Variants in EP300 observed in about 807,000 individuals in gnomAD.
The protein encoded by EP300 is EP300 lysine acetyltransferase.
In EP300, 31 loss-of-function variants were observed where a neutral mutation model predicts 264.0. The ratio of observed to expected loss-of-function variants is 0.12; its 90% confidence interval spans 0.09 to 0.16. The LOEUF is 0.16. EP300 is among the 10% of genes least tolerant of loss of function. The pLI is 1.00. For synonymous variants in EP300, 1,340 were observed against 1,045.4 expected (o/e 1.28, Z -5.44); for missense variants, 2,766 against 3,052.9 (o/e 0.91, Z 2.21).
intron 1 of EP300, among the ~76,000 whole-genome samples, chr22:41,110,959 CTT>C (rs57411594): frequency 1.0e-3 from 143 of 139,204 alleles, no homozygotes; most frequent in East Asian, 2.9e-3. Flanking sequence ...TGTTATAAAT[CTT>C]TTTTTTTTTT....
At chr22:41,137,815 C>T (rs767679379) in intron 8 of EP300, 25 bp downstream of exon 8, 2 of 1,614,058 alleles carry the variant, frequency 1.2e-6, no homozygotes, top group Non-Finnish European at 1.7e-6. Context: ...GGACACGTCT[C>T]ATTCGTAAAG....
At position 41,092,747 on chromosome 22, in the gene EP300, GAATTT is replaced by G; in HGVS notation, c.-257_-253del. 3 of 609,360 alleles carry G rather than the reference GAATTT, an allele frequency of 4.9e-6. No individual in the cohort carries two copies. The highest frequency in any genetic ancestry group is 1.9e-5 in the African/African-American group (1 of 53,684). 37.7% of individuals were successfully genotyped at this position (609,360 alleles called of 1,614,324 possible). A position where few individuals can be genotyped will look rare whatever the true frequency, so the allele number is the denominator to read the frequency against. ...ATTCGCCGCAGCGGACGCGCTCGGCGAATTTGTGCTCTTGTGCCCTCCTCCGGGCT... is the reference window on the plus strand; with the variant it reads ...ATTCGCCGCAGCGGACGCGCTCGGCGGTGCTCTTGTGCCCTCCTCCGGGCT... On this transcript the variant is annotated 5_prime_UTR_variant, in exon 1 of 31. Transcript: ENST00000263253.
At chr22:41,150,910 C>T (rs1430017174) in intron 14 of EP300, among the ~76,000 whole-genome samples, 1 of 150,386 alleles carries the variant, frequency 6.6e-6, no homozygotes, top group South Asian at 2.1e-4. Context: ...AAAAAAATTG[C>T]AGATTTATGA....
chr22:41,116,852 G>C (rs962344967), intron 1 of EP300, among the ~76,000 whole-genome samples: 16 of 152,140 alleles, frequency 1.1e-4, no homozygotes, highest in African/African-American at 2.4e-4. Flanking sequence ...CTTCAGCTCA[G>C]GAGTGTAAGA....
At chr22:41,168,921 T>A (rs557527894) in intron 25 of EP300, 54 bp downstream of exon 25, 4 of 1,611,162 alleles carry the variant, frequency 2.5e-6, no homozygotes, top group African/African-American at 2.7e-5. Context: ...TTCCAACTTA[T>A]AATAGGTGGA....
rs368509576 is a variant in EP300, at chr22:41,093,194, A to G, written c.94+96A>G. On this transcript the variant is annotated intron_variant, in intron 1 of 30. Transcript: ENST00000263253. ...ATTTTTTTTTTCTTCCTCTCTCTCT[A>G]GTTCCCTGCCCCTTAATTAATTTTA... 1.9e-5 allele frequency: 23 copies of G among 1,203,150 alleles called. No individual in the cohort carries two copies. The African/African-American group carries it at 2.0e-4, about 10-fold the overall frequency. The allele number at this position is 1,203,150 out of a possible 1,614,324, so 74.5% of individuals were successfully genotyped here.
Position 41,117,759 on chromosome 22 carries a change from C to G in EP300, c.667C>G (p.Leu223Val), listed in dbSNP as rs746720991. Residue 223 changes from leucine to valine, a missense_variant, in exon 2 of 31, where the codon CTT (leucine) becomes GTT (valine). Coordinates refer to ENST00000263253, the MANE Select transcript of EP300 (RefSeq NM_001429.4). Reference sequence around the variant, plus strand: ...TGCTGGCAACTTACTGACTGAGCCTCTTCAGCAGGGCTCTCCCCAGATGGG... The same window carrying G: ...TGCTGGCAACTTACTGACTGAGCCTGTTCAGCAGGGCTCTCCCCAGATGGG... ...GSAGNLLTEP[L>V]QQGSPQMGGQ... 5 of 1,614,124 alleles carry G rather than the reference C, an allele frequency of 3.1e-6. No individual in the cohort carries two copies. In the Admixed American group the frequency reaches 5.0e-5, roughly 16 times the overall value.
intron 16 of EP300, among the ~76,000 whole-genome samples, chr22:41,153,434 TAACA>T (rs2059058433): frequency 6.6e-6 from 1 of 152,216 alleles, no homozygotes; most frequent in South Asian, 2.1e-4. Flanking sequence ...ATATGGGCTG[TAACA>T]AACCCAGTCT....
chr22:41,172,747 T>C, intron 28 of EP300, 84 bp downstream of exon 28: 1 of 1,449,738 alleles, frequency 6.9e-7, no homozygotes, highest in Non-Finnish European at 9.5e-7. Context: ...CAATTGGGTT[T>C]TAAAGCTTTC....
intron 6 of EP300, among the ~76,000 whole-genome samples, chr22:41,135,392 A>G (rs1468566963): frequency 1.3e-5 from 2 of 152,012 alleles, no homozygotes; most frequent in Admixed American, 6.6e-5. Flanking sequence ...GTACTTTTAT[A>G]TATATGCACA....
At position 41,176,895 on chromosome 22, in the gene EP300, C is replaced by G. The variant is rs769174401; in HGVS notation, c.5184C>G (p.Gly1728=). ...AGGCTGCAGCCACCCAGAGCCCAGG[C>G]GATTCTCGCCGCCTGAGTATCCAGC... ...NQQAAATQSP[G]DSRRLSIQRC... is the part of the protein sequence containing the mutation. Residue 1728 remains glycine, a synonymous_variant, in exon 31 of 31, where the codon GGC becomes GGG. Transcript: ENST00000263253. 1 of 1,614,104 alleles carries G rather than the reference C, an allele frequency of 6.2e-7. No individual in the cohort carries two copies. Among genetic ancestry groups the G allele is most frequent in the Non-Finnish European group, 8.5e-7 (1 of 1,179,982 alleles).
chr22:41,135,759 TG>T, intron 6 of EP300, 53 bp from the exon 7 acceptor site: 2 of 1,292,474 alleles, frequency 1.5e-6, no homozygotes, highest in Admixed American at 3.4e-5. Flanking sequence ...TAGTATTTAT[TG>T]TATGGTGGCT....
rs571421393 is a variant in EP300 at position 41,153,920 on chromosome 22, G to A, written c.3143-1075G>A. Among the ~76,000 whole-genome samples the A allele has an allele frequency of 2.6e-5, 4 of 151,856 alleles. 1 individual carries two copies. The South Asian group carries it at 6.2e-4, about 24-fold the overall frequency. On this transcript the variant is annotated intron_variant, in intron 16 of 30. Coordinates refer to ENST00000263253, the MANE Select transcript of EP300 (RefSeq NM_001429.4). ...TCTGAAGTAACAAATATACTCTACC[G>A]ATGATGAAATTTTTTTTGCCAATTA...
intron 1 of EP300, among the ~76,000 whole-genome samples, chr22:41,114,206 G>A (rs1381595986): frequency 6.6e-6 from 1 of 152,016 alleles, no homozygotes; most frequent in Non-Finnish European, 1.5e-5. Context: ...GTTTGAGATA[G>A]GATCTCGCTC....
chr22:41,135,142 C>T (rs1208434663), intron 6 of EP300, among the ~76,000 whole-genome samples: 1 of 152,150 alleles, frequency 6.6e-6, no homozygotes, highest in African/African-American at 2.4e-5. Context: ...CTTCGTGATC[C>T]GCCCACCTCG....
At chr22:41,093,598 G>A (rs1601582994) in intron 1 of EP300, among the ~76,000 whole-genome samples, 2 of 152,116 alleles carry the variant, frequency 1.3e-5, no homozygotes, top group South Asian at 4.1e-4. Context: ...GTGTGTGCGA[G>A]GTCCAAGATT....
In EP300 at chr22:41,176,234, G is replaced by A. The variant is rs374338361; in HGVS notation, c.4780-13G>A. 8.1e-6 allele frequency: 13 copies of A among 1,613,642 alleles called. No individual in the cohort carries two copies. In the African/African-American group the frequency reaches 1.5e-4, roughly 18 times the overall value. ...GGCCCTGTCTCAAAAAAAAGAGACTGTCTGTTTTTCAGGTCTTCTTTGTGA... is the reference window on the plus strand; with the variant it reads ...GGCCCTGTCTCAAAAAAAAGAGACTATCTGTTTTTCAGGTCTTCTTTGTGA... On this transcript the variant is annotated splice_polypyrimidine_tract_variant and intron_variant, in intron 29 of 30. Transcript: ENST00000263253.
chr22:41,179,927 CTATA>C lies in EP300; in HGVS notation c.*972_*975del, dbSNP rs2059233945. The C allele has an allele frequency of 4.9e-6, 1 of 202,354 alleles. No homozygotes were observed. The highest frequency in any genetic ancestry group is 6.4e-5 in the Admixed American group (1 of 15,650). 12.5% of individuals were successfully genotyped at this position (202,354 alleles called of 1,614,324 possible). On this transcript the variant is annotated 3_prime_UTR_variant, in exon 31 of 31. Coordinates refer to ENST00000263253, the MANE Select transcript of EP300 (RefSeq NM_001429.4). ...ACACACACACACACACACACACTTT[CTATA>C]AAACTTGAAAATAGCAAAAACCCTC...
chr22:41,135,688 A>T, intron 6 of EP300, 125 bp from the exon 7 acceptor site: 1 of 724,428 alleles, frequency 1.4e-6, no homozygotes, highest in Non-Finnish European at 2.5e-6. Context: ...TTATATTGTC[A>T]ATTATTTATT....
Sources: gnomAD v4.1 joint callset for allele counts (sites outside exome capture counted in the v4.1 genomes callset) on GRCh38, gnomAD v4.1.1 for gene constraint, MANE v1.5 for transcripts, NCBI Gene and HGNC (gene_info 2026-07-23, HGNC 2026-07-21) for gene names.